The following RAB38 variants were observed in gnomAD, a reference collection of about 807,000 sequenced individuals.
RAB38 encodes RAB38, member RAS oncogene family.
In RAB38, 15 loss-of-function variants were observed where a neutral mutation model predicts 18.4. The observed-to-expected ratio is 0.82, with a 90% CI of 0.55 to 1.26. The LOEUF (loss-of-function observed/expected upper bound fraction) is 1.26. Among genes scored for constraint, RAB38 ranks in the 50% most tolerant of loss-of-function variants. RAB38 has a pLI of 0.00. For missense variants in RAB38, 294 were observed against 267.4 expected (o/e 1.10, Z -0.69); for synonymous variants, 101 against 104.4 (o/e 0.97, Z 0.20).
chr11:87,941,838 C>A, the RAB38 span, among the ~76,000 whole-genome samples: 1 of 152,102 alleles, frequency 6.6e-6, no homozygotes, highest in Non-Finnish European at 1.5e-5. Flanking sequence ...TTCTGTTTCT[C>A]TGTAGGAATA....
the RAB38 span, among the ~76,000 whole-genome samples, chr11:87,941,214 GATATATATATATATATATATAT>G: frequency 3.7e-4 from 23 of 62,554 alleles, no homozygotes; most frequent in African/African-American, 1.7e-3. Flanking sequence ...AAATATATGA[GATATATATATATATATATATAT>G]ATATATATAT....
the RAB38 span, among the ~76,000 whole-genome samples, chr11:87,829,503 A>C: frequency 1.3e-5 from 2 of 152,146 alleles, no homozygotes. Flanking sequence ...GTGGCAGGGG[A>C]GAGAGAGTGA....
chr11:88,023,387 T>C, the RAB38 span, among the ~76,000 whole-genome samples: 1 of 150,842 alleles, frequency 6.6e-6, no homozygotes, highest in East Asian at 1.9e-4. Flanking sequence ...AAAACACTGA[T>C]AAAAATCTAA....
the RAB38 span, among the ~76,000 whole-genome samples, chr11:88,082,879 A>G: frequency 6.6e-6 from 1 of 151,916 alleles, no homozygotes; most frequent in Non-Finnish European, 1.5e-5. Flanking sequence ...TTTTCTGTGC[A>G]AAAGCCTCCA....
At chr11:88,097,652 G>A in the RAB38 span, among the ~76,000 whole-genome samples, 4 of 151,738 alleles carry the variant, frequency 2.6e-5, no homozygotes, top group Non-Finnish European at 5.9e-5. Context: ...GAAAGAATTC[G>A]AGTTCCTTCA....
At chr11:87,811,732 C>T in the RAB38 span, among the ~76,000 whole-genome samples, 1 of 152,094 alleles carries the variant, frequency 6.6e-6, no homozygotes, top group Non-Finnish European at 1.5e-5. Flanking sequence ...AAGAAAAAGT[C>T]ACCAGGGATT....
the RAB38 span, among the ~76,000 whole-genome samples, chr11:87,937,311 CATATATATATATATATATATATATAT>C: frequency 2.2e-4 from 18 of 82,660 alleles, no homozygotes; most frequent in African/African-American, 5.7e-4. Context: ...ACTTGGTCAT[CATATATATATATATATATATATATAT>C]ATATATATAT....
chr11:87,893,391 T>TATATATATATA, the RAB38 span, among the ~76,000 whole-genome samples: 1 of 6,662 alleles, frequency 1.5e-4, no homozygotes. Flanking sequence ...TATATATATA[T>TATATATATATA]TTTTTTTTTA....
downstream of RAB38, among the ~76,000 whole-genome samples, chr11:88,111,578 C>A (rs917291250): frequency 6.6e-6 from 1 of 152,130 alleles, no homozygotes; most frequent in Non-Finnish European, 1.5e-5. Context: ...CAGGGAGAGG[C>A]TATACTCTTA....
chr11:87,949,817 G>C, the RAB38 span, among the ~76,000 whole-genome samples: 2 of 152,290 alleles, frequency 1.3e-5, no homozygotes, highest in African/African-American at 4.8e-5. Context: ...CAACTATGTG[G>C]TCAGTTTTGG....
chr11:87,851,069 A>T, the RAB38 span, among the ~76,000 whole-genome samples: 1 of 152,228 alleles, frequency 6.6e-6, no homozygotes, highest in African/African-American at 2.4e-5. Flanking sequence ...GCATTCACAC[A>T]GAATGCTGTC....
chr11:88,103,878 C>G, the RAB38 span, among the ~76,000 whole-genome samples: 925 of 152,144 alleles, frequency 6.1e-3, 10 homozygotes, highest in African/African-American at 0.021. Flanking sequence ...TTTCTGGCTT[C>G]TATGGTGTGC....
At chr11:87,945,679 C>T in the RAB38 span, among the ~76,000 whole-genome samples, 3 of 152,112 alleles carry the variant, frequency 2.0e-5, no homozygotes, top group African/African-American at 7.2e-5. Flanking sequence ...TGGAAATCAA[C>T]CAGCATAAGC....
the RAB38 span, among the ~76,000 whole-genome samples, chr11:87,875,189 ATAGG>A: frequency 6.6e-6 from 1 of 151,474 alleles, no homozygotes; most frequent in Admixed American, 6.6e-5. Context: ...ATAAAAAATG[ATAGG>A]TAAGTTAAGT....
At chr11:88,012,206 G>C in the RAB38 span, among the ~76,000 whole-genome samples, 1 of 152,146 alleles carries the variant, frequency 6.6e-6, no homozygotes, top group Non-Finnish European at 1.5e-5. Flanking sequence ...GATTAATGAA[G>C]CTGACGATCA....
At chr11:88,067,772 A>G in the RAB38 span, among the ~76,000 whole-genome samples, 1 of 152,004 alleles carries the variant, frequency 6.6e-6, no homozygotes, top group African/African-American at 2.4e-5. Flanking sequence ...AGGGGAGGGA[A>G]AGCATTAGGA....
the RAB38 span, among the ~76,000 whole-genome samples, chr11:87,873,922 G>GTGTGTGTATATATATATATATATA: frequency 2.2e-4 from 23 of 103,106 alleles, no homozygotes; most frequent in African/African-American, 6.5e-4. Context: ...GTGTGTGTGT[G>GTGTGTGTATATATATATATATATA]TATATATATA....
the RAB38 span, among the ~76,000 whole-genome samples, chr11:87,932,812 T>A: frequency 6.6e-6 from 1 of 152,096 alleles, no homozygotes; most frequent in Non-Finnish European, 1.5e-5. Context: ...GTCCCAGGCT[T>A]CAAACTGTAC....
the RAB38 span, among the ~76,000 whole-genome samples, chr11:87,857,138 T>C: frequency 6.6e-6 from 1 of 152,106 alleles, no homozygotes; most frequent in Admixed American, 6.5e-5. Context: ...CTTGTGATAG[T>C]TTGCTGAGAA....
Sources: allele counts gnomAD v4.1 joint callset (sites outside exome capture counted in the v4.1 genomes callset), GRCh38; gene constraint gnomAD v4.1.1; transcripts MANE v1.5; gene names NCBI Gene and HGNC (gene_info 2026-07-23, HGNC 2026-07-21).